The following AGBL4 variants were observed in gnomAD, a reference collection of about 807,000 sequenced individuals.
AGBL4 encodes cytosolic carboxypeptidase 6.
AGBL4 carries 58 observed loss-of-function variants against 66.4 expected under a neutral mutation model. The ratio of observed to expected loss-of-function variants is 0.87; its 90% CI spans 0.71 to 1.09. The LOEUF (loss-of-function observed/expected upper bound fraction) is 1.09. Ranked by LOEUF, AGBL4 falls within the 50% of genes least tolerant of loss-of-function variation. The probability of loss-of-function intolerance (pLI) is 0.00; values close to 1 mark genes in which losing one functional copy is unlikely to be tolerated. For synonymous variants in AGBL4, 234 were observed against 222.9 expected (o/e 1.05, Z -0.44); for missense variants, 579 against 631.0 (o/e 0.92, Z 0.88).
At chr1:49,474,735 G>A (rs1386293326) in intron 3 of AGBL4, among the ~76,000 whole-genome samples, 4 of 152,012 alleles carry the variant, frequency 2.6e-5, no homozygotes, top group Non-Finnish European at 5.9e-5. Context: ...AAAAGGTATT[G>A]AAGAGTTTGG....
At chr1:48,777,185 TAAC>T (rs932537235) in intron 6 of AGBL4, among the ~76,000 whole-genome samples, 1 of 152,074 alleles carries the variant, frequency 6.6e-6, no homozygotes, top group African/African-American at 2.4e-5. Context: ...ATAAAAATAA[TAAC>T]AAGAGCATTG....
At chr1:48,821,801 G>A (rs920942672) in intron 6 of AGBL4, among the ~76,000 whole-genome samples, 1 of 152,120 alleles carries the variant, frequency 6.6e-6, no homozygotes, top group African/African-American at 2.4e-5. Context: ...ACAGGGGAAA[G>A]CATTGACAAT....
chr1:49,024,599 T>TG (rs1450390758), intron 5 of AGBL4, among the ~76,000 whole-genome samples: 1 of 152,292 alleles, frequency 6.6e-6, no homozygotes, highest in Non-Finnish European at 1.5e-5. Flanking sequence ...ACCAGCTTCA[T>TG]AAAGTTGCTG....
chr1:48,787,886 C>T (rs1261311901), intron 6 of AGBL4, among the ~76,000 whole-genome samples: 1 of 152,214 alleles, frequency 6.6e-6, no homozygotes, highest in African/African-American at 2.4e-5. Flanking sequence ...CTGGAAAAGA[C>T]CCTACCTCCC....
intron 5 of AGBL4, among the ~76,000 whole-genome samples, chr1:48,930,130 T>C (rs1654916863): frequency 6.6e-6 from 1 of 152,174 alleles, no homozygotes; most frequent in Non-Finnish European, 1.5e-5. Context: ...CCTAGCTTGC[T>C]GTACTTGGGC....
chr1:49,586,757 T>C (rs1644655881), intron 3 of AGBL4, among the ~76,000 whole-genome samples: 1 of 152,222 alleles, frequency 6.6e-6, no homozygotes, highest in Admixed American at 6.5e-5. Context: ...AATTTAATTC[T>C]GAGTACCTTG....
At chr1:49,117,444 C>G (rs1219398227) in intron 4 of AGBL4, among the ~76,000 whole-genome samples, 1 of 152,118 alleles carries the variant, frequency 6.6e-6, no homozygotes, top group Admixed American at 6.6e-5. Flanking sequence ...ATATGGCTAG[C>G]CAGTTTTCCC....
intron 3 of AGBL4, among the ~76,000 whole-genome samples, chr1:49,572,886 T>A (rs1331020865): frequency 1.3e-5 from 2 of 152,154 alleles, no homozygotes; most frequent in Non-Finnish European, 2.9e-5. Flanking sequence ...GGGAACCATC[T>A]AATCAGCTGC....
intron 3 of AGBL4, among the ~76,000 whole-genome samples, chr1:49,519,917 T>C (rs1650122835): frequency 6.6e-6 from 1 of 152,098 alleles, no homozygotes. Flanking sequence ...TTGCTGATTT[T>C]TTAATGTTGT....
intron 1 of AGBL4, among the ~76,000 whole-genome samples, chr1:50,001,441 G>A (rs369121012): frequency 6.9e-6 from 1 of 145,282 alleles, no homozygotes; most frequent in African/African-American, 2.5e-5. Flanking sequence ...GTGTGTGTGT[G>A]TCTGTATATG....
chr1:49,919,550 C>A (rs1233236276), intron 1 of AGBL4, among the ~76,000 whole-genome samples: 4 of 152,076 alleles, frequency 2.6e-5, no homozygotes, highest in Non-Finnish European at 4.4e-5. Flanking sequence ...AGGAACTCTT[C>A]AAGGAGAACT....
chr1:48,661,589 T>G (rs1335789243), intron 7 of AGBL4, among the ~76,000 whole-genome samples: 2 of 152,188 alleles, frequency 1.3e-5, no homozygotes, highest in East Asian at 3.9e-4. Flanking sequence ...GTGTATGAAC[T>G]CAGCACCATC....
chr1:49,240,132 G>A (rs1012862860), intron 4 of AGBL4, among the ~76,000 whole-genome samples: 2 of 151,964 alleles, frequency 1.3e-5, no homozygotes, highest in South Asian at 2.1e-4. Context: ...TGACAGGAGC[G>A]AGGCTAAACA....
intron 4 of AGBL4, among the ~76,000 whole-genome samples, chr1:49,178,923 C>T (rs1646878876): frequency 6.6e-6 from 1 of 152,164 alleles, no homozygotes; most frequent in Non-Finnish European, 1.5e-5. Context: ...TTACTGGGTA[C>T]ATCTTGGTTA....
At chr1:48,792,189 G>A (rs1465982574) in intron 6 of AGBL4, among the ~76,000 whole-genome samples, 1 of 152,098 alleles carries the variant, frequency 6.6e-6, no homozygotes, top group African/African-American at 2.4e-5. Context: ...TGATGATAGA[G>A]GCAGAGATTG....
At chr1:49,429,374 T>C (rs1485041761) in intron 3 of AGBL4, among the ~76,000 whole-genome samples, 2 of 152,240 alleles carry the variant, frequency 1.3e-5, no homozygotes, top group Non-Finnish European at 2.9e-5. Context: ...CAGAGGATGC[T>C]ATAAATAATA....
chr1:49,158,148 C>G (rs753897955), intron 4 of AGBL4, among the ~76,000 whole-genome samples: 11 of 152,020 alleles, frequency 7.2e-5, no homozygotes, highest in Non-Finnish European at 1.5e-4. Flanking sequence ...GAAACTGAAC[C>G]CCTTCCTTAC....
chr1:49,198,329 A>AT (rs1237439763), intron 4 of AGBL4, among the ~76,000 whole-genome samples: 1 of 151,928 alleles, frequency 6.6e-6, no homozygotes, highest in African/African-American at 2.4e-5. Context: ...TGAATCTTTT[A>AT]TTTTACTTTT....
chr1:49,593,854 C>T (rs563309673), intron 3 of AGBL4, among the ~76,000 whole-genome samples: 8 of 151,544 alleles, frequency 5.3e-5, no homozygotes, highest in East Asian at 3.9e-4. Context: ...ATAACATGTT[C>T]GGTGAAAAAA....
Sources: gnomAD v4.1 joint callset for allele counts (sites outside exome capture counted in the v4.1 genomes callset) on GRCh38, gnomAD v4.1.1 for gene constraint, MANE v1.5 for transcripts, NCBI Gene and HGNC (gene_info 2026-07-23, HGNC 2026-07-21) for gene names.